Variants in CFAP20DC observed in about 807,000 individuals in gnomAD.
CFAP20DC encodes the protein CFAP20 domain containing.
A neutral mutation model predicts 101.7 loss-of-function variants in CFAP20DC; 84 were observed. The observed-to-expected ratio is 0.83, with a 90% CI of 0.69 to 0.99. The LOEUF is 0.99. Ranked by LOEUF, CFAP20DC falls within the 50% of genes least tolerant of loss-of-function variation. The pLI is 0.00. For missense variants in CFAP20DC, 1,007 were observed against 970.3 expected (o/e 1.04, Z -0.50); for synonymous variants, 359 against 351.2 (o/e 1.02, Z -0.25).
chr3:58,770,800 T>A (rs576002233), intron 15 of CFAP20DC, among the ~76,000 whole-genome samples: 104 of 152,214 alleles, frequency 6.8e-4, no homozygotes, highest in African/African-American at 2.4e-3. Context: ...GTGGCAGTGG[T>A]GGGAGACTGA....
chr3:58,810,627 C>T (rs2074534873), intron 14 of CFAP20DC, among the ~76,000 whole-genome samples: 2 of 148,456 alleles, frequency 1.3e-5, no homozygotes, highest in South Asian at 4.3e-4. Flanking sequence ...GGAAGCATTC[C>T]CTTTGAAAAC....
At chr3:58,803,255 A>G (rs2073837021) in intron 15 of CFAP20DC, among the ~76,000 whole-genome samples, 1 of 152,122 alleles carries the variant, frequency 6.6e-6, no homozygotes, top group Non-Finnish European at 1.5e-5. Context: ...CATTACTCTA[A>G]TCACAGCCAC....
intron 6 of CFAP20DC, among the ~76,000 whole-genome samples, chr3:58,886,511 C>A (rs577275522): frequency 6.6e-6 from 1 of 151,782 alleles, no homozygotes; most frequent in South Asian, 2.1e-4. Flanking sequence ...GGATTTCAGA[C>A]CCAAGTTCAA....
chr3:58,818,536 G>A (rs1257216064), intron 14 of CFAP20DC, among the ~76,000 whole-genome samples: 23 of 150,620 alleles, frequency 1.5e-4, no homozygotes, highest in Middle Eastern at 3.5e-3. Flanking sequence ...GATCAAAAGA[G>A]ACAAAGAAGG....
intron 5 of CFAP20DC, among the ~76,000 whole-genome samples, chr3:58,932,639 A>C (rs2086880643): frequency 6.6e-6 from 1 of 152,148 alleles, no homozygotes; most frequent in Non-Finnish European, 1.5e-5. Flanking sequence ...AAAGAAAAGA[A>C]TTTTCAACCC....
chr3:58,862,254 T>C (rs1007345547), intron 12 of CFAP20DC: 2 of 985,272 alleles, frequency 2.0e-6, no homozygotes, highest in Admixed American at 6.1e-5. Context: ...ATTCTATTCA[T>C]AAAATGAACT....
rs762230777 is a variant in CFAP20DC at position 58,806,418 on chromosome 3, G to A, written c.2214C>T (p.Asn738=). 5.6e-6 allele frequency: 9 copies of A among 1,610,434 alleles called. No homozygotes were observed. Among genetic ancestry groups the A allele is most frequent in the East Asian group, 2.2e-5 (1 of 44,854 alleles). ...ACCGGGGATTAGAAGGAGAAGGTGG[G>A]TTCATTTCTTTCTGATAGTGGCGAC... The part of the protein sequence containing the change: ...NQGRHYQKEM[N]PPSPSNPRDW... The change falls in exon 15 of 17, where the codon AAC becomes AAT. Residue 738 remains asparagine, a synonymous_variant. Transcript: ENST00000482387.
Position 58,799,041 on chromosome 3 carries a change from T to A in CFAP20DC, c.2237+7354A>T, listed in dbSNP as rs1382463809. On this transcript the variant is annotated intron_variant, in intron 15 of 16. Transcript: ENST00000482387. This position sits in a 1 kb window ranked among gnomAD's most constrained non-coding sequence, Gnocchi z 4.9. ...GTGGTCTGAAACTCAACCTACAATA[T>A]CTCTGAGGTACGCTTGTATGTATAT... Among the ~76,000 whole-genome samples the A allele has an allele frequency of 6.6e-6, 1 of 152,164 alleles. No homozygotes were observed. Among genetic ancestry groups the A allele is most frequent in the Non-Finnish European group, 1.5e-5 (1 of 68,028 alleles).
intron 15 of CFAP20DC, among the ~76,000 whole-genome samples, chr3:58,759,459 A>G (rs562876281): frequency 1.2e-4 from 18 of 152,256 alleles, no homozygotes; most frequent in Admixed American, 3.3e-4. Context: ...AGTAGATTGC[A>G]AAAATTTTCT....
chr3:58,814,232 C>T (rs988917341), intron 14 of CFAP20DC, among the ~76,000 whole-genome samples: 1 of 151,880 alleles, frequency 6.6e-6, no homozygotes, highest in African/African-American at 2.4e-5. Context: ...ACCTCTATTC[C>T]AAATGACTTA....
At chr3:58,985,847 A>G (rs886268086) in intron 4 of CFAP20DC, among the ~76,000 whole-genome samples, 24 of 152,242 alleles carry the variant, frequency 1.6e-4, no homozygotes, top group African/African-American at 5.1e-4. Context: ...TAGTCTATGA[A>G]CTCACTAAGG....
At chr3:58,932,019 C>G (rs910901440) in intron 5 of CFAP20DC, among the ~76,000 whole-genome samples, 3 of 152,140 alleles carry the variant, frequency 2.0e-5, no homozygotes, top group Non-Finnish European at 4.4e-5. Context: ...AAGTTAAAAA[C>G]TTGGAAAAAA....
intron 4 of CFAP20DC, among the ~76,000 whole-genome samples, chr3:58,979,791 T>A (rs2092444665): frequency 6.6e-6 from 1 of 152,066 alleles, no homozygotes; most frequent in Non-Finnish European, 1.5e-5. Flanking sequence ...AAGTTGAGAT[T>A]TAATGTTTTG....
At chr3:58,919,108 ACT>A (rs1446843179) in intron 5 of CFAP20DC, among the ~76,000 whole-genome samples, 1 of 152,096 alleles carries the variant, frequency 6.6e-6, no homozygotes, top group African/African-American at 2.4e-5. Flanking sequence ...TAATCTGAGA[ACT>A]CACCCATCAT....
chr3:59,046,723 G>A (rs968333406), intron 2 of CFAP20DC, among the ~76,000 whole-genome samples: 4 of 152,136 alleles, frequency 2.6e-5, no homozygotes, highest in East Asian at 1.9e-4. Flanking sequence ...TTGAGCAAGC[G>A]ACCTTAAGAA....
chr3:59,049,955 G>T lies in CFAP20DC; in HGVS notation c.-324C>A. On this transcript the variant is annotated 5_prime_UTR_variant, in exon 1 of 17. Coordinates refer to ENST00000482387, the MANE Select transcript of CFAP20DC (RefSeq NM_001394063.1). Reference sequence around the variant, plus strand: ...CCTACGTGACGGGGCGCCCAGTCGCGGAGCCACAGACAACCGCCCGCTGGC... The same window carrying T: ...CCTACGTGACGGGGCGCCCAGTCGCTGAGCCACAGACAACCGCCCGCTGGC... 3.2e-6 allele frequency: 1 copy of T among 315,844 alleles called. No individual in the cohort carries two copies. Among genetic ancestry groups the T allele is most frequent in the Non-Finnish European group, 5.8e-6 (1 of 172,066 alleles). The allele number at this position is 315,844 out of a possible 1,614,324, so 19.6% of individuals were successfully genotyped here. A position where few individuals can be genotyped will look rare whatever the true frequency, so the allele number is the denominator to read the frequency against.
chr3:58,791,718 T>G (rs910348713), intron 15 of CFAP20DC, among the ~76,000 whole-genome samples: 4 of 152,194 alleles, frequency 2.6e-5, no homozygotes, highest in African/African-American at 9.7e-5. Context: ...TTGCTCATGT[T>G]AAGTTTTTAT....
chr3:59,030,245 AG>A (rs2093964781), intron 4 of CFAP20DC, among the ~76,000 whole-genome samples: 1 of 152,266 alleles, frequency 6.6e-6, no homozygotes, highest in East Asian at 1.9e-4. Flanking sequence ...TAAAACACTG[AG>A]GGTGCTGAAA....
At chr3:58,781,172 C>A (rs952584006) in intron 15 of CFAP20DC, among the ~76,000 whole-genome samples, 14 of 151,606 alleles carry the variant, frequency 9.2e-5, no homozygotes. Flanking sequence ...AATTAAACAA[C>A]ATACTTTTGA....
Sources: allele counts gnomAD v4.1 joint callset (sites outside exome capture counted in the v4.1 genomes callset), GRCh38; gene constraint gnomAD v4.1.1; non-coding constraint Gnocchi (gnomAD v3.1); transcripts MANE v1.5; gene names NCBI Gene and HGNC (gene_info 2026-07-23, HGNC 2026-07-21).